The following ANK1 variants were observed in gnomAD, a reference collection of about 807,000 sequenced individuals.
ANK1 encodes the protein ankyrin 1.
In ANK1, 51 loss-of-function variants were observed where a neutral mutation model predicts 210.4. The observed-to-expected ratio is 0.24, with a 90% CI of 0.19 to 0.31. The LOEUF (loss-of-function observed/expected upper bound fraction) is 0.31. Ranked by LOEUF, ANK1 falls within the 10% of genes least tolerant of loss-of-function variation. The pLI is 1.00. For missense variants in ANK1, 2,051 were observed against 2,504.4 expected, an observed-to-expected ratio of 0.82 and a Z score of 3.86; for synonymous variants, 967 against 1,025.9, an observed-to-expected ratio of 0.94 and a Z score of 1.10.
chr8:41,789,896 G>C (rs907679402), intron 1 of ANK1, among the ~76,000 whole-genome samples: 1 of 152,178 alleles, frequency 6.6e-6, no homozygotes, highest in African/African-American at 2.4e-5. Context: ...CACACACAAG[G>C]TTTGAAAAGC....
intron 1 of ANK1, among the ~76,000 whole-genome samples, chr8:41,822,112 G>GAA (rs1464384613): frequency 6.8e-5 from 2 of 29,430 alleles, no homozygotes; most frequent in East Asian, 4.9e-4. Flanking sequence ...GAGAGAGAGA[G>GAA]AGAAAGAAAG....
At chr8:41,665,076 G>A (rs1260353331) in intron 39 of ANK1, 22 of 1,596,164 alleles carry the variant, frequency 1.4e-5, no homozygotes, top group Admixed American at 1.4e-4. Context: ...CGGCCACCAC[G>A]GGGGGCCTGC....
At chr8:41,889,820 C>G (rs1235468291) in intron 1 of ANK1, among the ~76,000 whole-genome samples, 2 of 152,226 alleles carry the variant, frequency 1.3e-5, no homozygotes, top group Non-Finnish European at 2.9e-5. Flanking sequence ...AGCACTGGTG[C>G]CACACAAGAC....
intron 1 of ANK1, among the ~76,000 whole-genome samples, chr8:41,892,229 C>T (rs993598332): frequency 2.6e-5 from 4 of 151,926 alleles, no homozygotes; most frequent in South Asian, 2.1e-4. Flanking sequence ...TCCAGTCTCA[C>T]GCAGGTGCCC....
chr8:41,773,216 A>G (rs1366579461), intron 1 of ANK1, among the ~76,000 whole-genome samples: 1 of 152,100 alleles, frequency 6.6e-6, no homozygotes, highest in Non-Finnish European at 1.5e-5. Context: ...GGAGTAAGGG[A>G]TGGCAAGTGC....
Position 41,668,434 on chromosome 8 carries a change from C to G in ANK1, c.5227G>C (p.Glu1743Gln). The G allele has an allele frequency of 6.2e-7, 1 of 1,614,234 alleles. No individual in the cohort carries two copies. Among genetic ancestry groups the G allele is most frequent in the African/African-American group, 1.3e-5 (1 of 75,052 alleles). Residue 1743 changes from glutamate (E) to glutamine (Q), a missense_variant, in exon 39 of 43, where the codon GAG becomes CAG. Glu to Gln is a conservative substitution (Grantham distance 29). Around this residue, in one of 6 missense-constraint regions of ANK1, gnomAD observed 496 missense variants for 533.4 expected, o/e 0.93. Coordinates refer to ENST00000289734, the MANE Select transcript of ANK1 (RefSeq NM_000037.4). ...TCGTACTCCTGAGATCCACCGGGCT[C>G]TAGCCCTTCAGTCATGGTACTTGTT... is the stretch of plus-strand genomic sequence containing the variant. ...QGTSTMTEGLEPGGSQEYEKV... is the reference protein window; with the variant it reads ...QGTSTMTEGLQPGGSQEYEKV...
intron 25 of ANK1, 27 bp from the exon 26 acceptor site, chr8:41,696,614 G>T: frequency 6.2e-7 from 1 of 1,612,582 alleles, no homozygotes. Context: ...TGCACGTTGG[G>T]CTTCTGCATC....
chr8:41,784,369 A>C (rs1001378377), intron 1 of ANK1, among the ~76,000 whole-genome samples: 1 of 152,212 alleles, frequency 6.6e-6, no homozygotes, highest in African/African-American at 2.4e-5. Flanking sequence ...TCTTAAAGCA[A>C]AGCATCCTTT....
intron 1 of ANK1, 121 bp from the exon 2 acceptor site, chr8:41,758,258 C>T: frequency 1.2e-6 from 1 of 862,574 alleles, no homozygotes; most frequent in Non-Finnish European, 2.0e-6. Flanking sequence ...CTGGTGCCCA[C>T]AGTGACACCA....
rs371786541 is a variant in ANK1 at position 41,686,104 on chromosome 8, G to A, written c.4390+48C>T. On this transcript the variant is annotated intron_variant, in intron 36 of 42. Coordinates refer to ENST00000289734, the MANE Select transcript of ANK1 (RefSeq NM_000037.4). Reference sequence around the variant, plus strand: ...GGAATTTGAAGGAAGAACTAGTTTGGTGGGGAGGAGGTCCTAGGACAGGCT... The same window carrying A: ...GGAATTTGAAGGAAGAACTAGTTTGATGGGGAGGAGGTCCTAGGACAGGCT... The A allele has an allele frequency of 8.3e-5, 134 of 1,613,946 alleles. No homozygotes were observed. In the African/African-American group the frequency reaches 1.1e-3, roughly 14 times the overall value.
chr8:41,812,198 T>C (rs939206327), intron 1 of ANK1, among the ~76,000 whole-genome samples: 1 of 152,256 alleles, frequency 6.6e-6, no homozygotes, highest in Non-Finnish European at 1.5e-5. Flanking sequence ...TCACTTTGTC[T>C]GCAGGGGAGC....
chr8:41,684,223 A>G lies in ANK1; in HGVS notation c.4537+321T>C, dbSNP rs572033. 0.95 allele frequency among the ~76,000 whole-genome samples: 145,158 copies of G among 152,330 alleles called. 69,213 individuals are homozygous for G. The highest frequency in any genetic ancestry group is 1 in the East Asian group (5,178 of 5,182). ...AGCTGTGTAGGGGCAGTCTCTAGCT[A>G]GAGGCCTCTGACTCAGCTTTTTCTC... On this transcript the variant is annotated intron_variant, in intron 37 of 42. Coordinates refer to ENST00000289734, the MANE Select transcript of ANK1 (RefSeq NM_000037.4).
chr8:41,766,419 T>TA (rs1461044830), intron 1 of ANK1, among the ~76,000 whole-genome samples: 1 of 152,242 alleles, frequency 6.6e-6, no homozygotes, highest in African/African-American at 2.4e-5. Context: ...GGTGTGCTGT[T>TA]ACAGCTTTAC....
At chr8:41,717,468 C>T in intron 12 of ANK1, 136 bp downstream of exon 12, 1 of 848,100 alleles carries the variant, frequency 1.2e-6, no homozygotes, top group Non-Finnish European at 1.9e-6. Context: ...CAGGGATGTC[C>T]TCCCCCAGTC....
At chr8:41,855,469 C>G (rs1011375654) in intron 1 of ANK1, among the ~76,000 whole-genome samples, 4 of 152,142 alleles carry the variant, frequency 2.6e-5, no homozygotes, top group African/African-American at 7.2e-5. Flanking sequence ...ATCACTGGGT[C>G]ATGTTTAGAG....
intron 3 of ANK1, among the ~76,000 whole-genome samples, chr8:41,730,907 A>G (rs914995834): frequency 6.6e-6 from 1 of 152,220 alleles, no homozygotes; most frequent in African/African-American, 2.4e-5. Context: ...GGCTCACGTC[A>G]AAGGTTTCTT....
intron 16 of ANK1, among the ~76,000 whole-genome samples, chr8:41,712,083 C>A (rs543030173): frequency 2.6e-5 from 4 of 152,148 alleles, no homozygotes; most frequent in Non-Finnish European, 5.9e-5. Context: ...CGCTGCCATG[C>A]CCGGCTAATT....
intron 1 of ANK1, among the ~76,000 whole-genome samples, chr8:41,873,947 C>T (rs1295491558): frequency 6.6e-6 from 1 of 152,198 alleles, no homozygotes; most frequent in East Asian, 1.9e-4. Flanking sequence ...CAAACCAACA[C>T]CCTCCCCCTA....
At chr8:41,705,813 G>A (rs1440440758) in intron 18 of ANK1, among the ~76,000 whole-genome samples, 1 of 152,242 alleles carries the variant, frequency 6.6e-6, no homozygotes, top group Admixed American at 6.5e-5. Flanking sequence ...AGTGCTGGAA[G>A]AAAAGGAGCT....
Sources: gnomAD v4.1 joint callset for allele counts (sites outside exome capture counted in the v4.1 genomes callset) on GRCh38, gnomAD v4.1.1 for gene constraint, gnomAD v4.1.1 regional missense constraint, MANE v1.5 for transcripts, NCBI Gene and HGNC (gene_info 2026-07-23, HGNC 2026-07-21) for gene names.